Variants in ZDBF2 observed in about 807,000 individuals in gnomAD.
The protein encoded by ZDBF2 is zinc finger DBF-type containing 2, also known as DBF4-type zinc finger-containing protein 2.
Under a neutral mutation model 9.4 loss-of-function variants are expected in ZDBF2, and 6 were observed. The observed-to-expected ratio is 0.64, with a 90% CI of 0.35 to 1.27. The LOEUF (loss-of-function observed/expected upper bound fraction) is 1.27, where lower values mean the gene tolerates loss of function less well. ZDBF2 is among the 50% of genes most tolerant of loss of function. The pLI, the probability that ZDBF2 is intolerant of heterozygous loss-of-function variation, is 0.03. For missense variants in ZDBF2, 2,697 were observed against 2,766.8 expected (o/e 0.97, Z 0.57); for synonymous variants, 905 against 946.3 (o/e 0.96, Z 0.80).
At chr2:206,288,432 T>C (rs1010362329) in intron 3 of ZDBF2, among the ~76,000 whole-genome samples, 2 of 152,228 alleles carry the variant, frequency 1.3e-5, no homozygotes, top group African/African-American at 4.8e-5. Context: ...TGTCAAGGGC[T>C]TCTGGGATCC....
At chr2:206,293,476 G>T (rs1168208580) in intron 3 of ZDBF2, among the ~76,000 whole-genome samples, 2 of 152,162 alleles carry the variant, frequency 1.3e-5, no homozygotes, top group Non-Finnish European at 2.9e-5. Context: ...AATGGAAGAT[G>T]ATTAAGAAAG....
At position 206,309,220 on chromosome 2, in the gene ZDBF2, T is replaced by A. The variant is rs536985190; in HGVS notation, c.4692T>A (p.Asn1564Lys). 6.2e-7 allele frequency: 1 copy of A among 1,606,638 alleles called. No individual in the cohort carries two copies. Among genetic ancestry groups the A allele is most frequent in the African/African-American group, 1.3e-5 (1 of 74,944 alleles). Residue 1564 changes from asparagine (N) to lysine (K), a missense_variant, in exon 5 of 5, where the codon AAT (asparagine) becomes AAA (lysine). By Grantham distance (94) the Asn-to-Lys change is moderately conservative (BLOSUM62 0). Around this residue, in one of 3 missense-constraint regions of ZDBF2, gnomAD observed 1,783 missense variants for 1,776.5 expected, o/e 1.00. Coordinates refer to ENST00000374423, the MANE Select transcript of ZDBF2 (RefSeq NM_020923.3). ...QLTVKDISCINTECIDIEDKS... is the reference protein window; with the variant it reads ...QLTVKDISCIKTECIDIEDKS... The stretch of plus-strand genomic sequence containing the variant: ...CTGTCAAAGATATCAGCTGTATAAA[T>A]ACAGAATGTATTGATATAGAAGATA...
intron 3 of ZDBF2, among the ~76,000 whole-genome samples, chr2:206,295,508 C>CTACTAG (rs1692124986): frequency 6.6e-6 from 1 of 151,758 alleles, no homozygotes. Context: ...GGACTACAGG[C>CTACTAG]GCGCAGCACC....
chr2:206,309,675 C>G lies in ZDBF2; in HGVS notation c.5147C>G (p.Ser1716Cys). 1 of 1,613,870 alleles carries G rather than the reference C, an allele frequency of 6.2e-7. No homozygotes were observed. The highest frequency in any genetic ancestry group is 2.2e-5 in the East Asian group (1 of 44,880). Residue 1716 changes from serine (S) to cysteine (C), a missense_variant, in exon 5 of 5, where the codon TCC becomes TGC. Coordinates refer to ENST00000374423, the MANE Select transcript of ZDBF2 (RefSeq NM_020923.3). Reference protein sequence around the residue: ...SASAVDFGASSKSALHRRADK... With the variant: ...SASAVDFGASCKSALHRRADK... The stretch of plus-strand genomic sequence containing the variant: ...TCTGCAGTGGATTTTGGTGCCTCTT[C>G]CAAGTCAGCGCTCCATCGAAGGGCT...
intron 3 of ZDBF2, among the ~76,000 whole-genome samples, chr2:206,285,531 A>G (rs1348115863): frequency 6.6e-6 from 1 of 152,184 alleles, no homozygotes; most frequent in Non-Finnish European, 1.5e-5. Flanking sequence ...AGTATTCCAT[A>G]TTCCAGGTAT....
intron 3 of ZDBF2, among the ~76,000 whole-genome samples, chr2:206,290,836 C>T (rs1297429004): frequency 6.6e-6 from 1 of 152,030 alleles, no homozygotes; most frequent in African/African-American, 2.4e-5. Flanking sequence ...GCCATTATTT[C>T]TTTTTCTTGC....
rs750965734 is a variant in ZDBF2, at chr2:206,310,267, A to C, written c.5739A>C (p.Leu1913Phe). 3.1e-6 allele frequency: 5 copies of C among 1,614,004 alleles called. No individual in the cohort carries two copies. Among genetic ancestry groups the C allele is most frequent in the East Asian group, 2.2e-5 (1 of 44,882 alleles). Reference protein sequence around the residue: ...ISDIDDLSVALDKPCHRHPPA... With the variant: ...ISDIDDLSVAFDKPCHRHPPA... ...ATATTGATGACTTGTCAGTGGCCTT[A>C]GATAAACCATGCCATCGTCATCCTC... is the stretch of plus-strand genomic sequence containing the variant. The change falls in exon 5 of 5, where the codon TTA (leucine) becomes TTC (phenylalanine). Residue 1913 changes from leucine (L) to phenylalanine (F), a missense_variant. Leu to Phe is a conservative substitution (Grantham distance 22, BLOSUM62 0). Transcript: ENST00000374423.
At position 206,309,359 on chromosome 2, in the gene ZDBF2, A is replaced by G. The variant is rs1693014903; in HGVS notation, c.4831A>G (p.Ile1611Val). 1.2e-6 allele frequency: 2 copies of G among 1,613,320 alleles called. No individual in the cohort carries two copies. The highest frequency in any genetic ancestry group is 1.3e-5 in the African/African-American group (1 of 74,930). The change falls in exon 5 of 5, where the codon ATT becomes GTT. Residue 1611 changes from isoleucine to valine, a missense_variant. Ile to Val is a conservative substitution (Grantham distance 29). This residue lies in a region of ZDBF2 where 1,783 missense variants were observed against 1,776.5 expected (regional missense o/e 1.00). Transcript: ENST00000374423. ...FKIINRKKDY[I>V]ILGEPSCQSC... ...AATAATAAACCGGAAGAAGGACTAT[A>G]TTATTCTGGGAGAGCCAAGTTGTCA...
At chr2:206,283,236 T>A (rs182756214) in intron 3 of ZDBF2, among the ~76,000 whole-genome samples, 1 of 152,226 alleles carries the variant, frequency 6.6e-6, no homozygotes, top group Admixed American at 6.5e-5. Context: ...ACATGTAGAG[T>A]GGAATTGTTG....
chr2:206,310,495 A>G lies in ZDBF2; in HGVS notation c.5967A>G (p.Thr1989=). Residue 1989 remains threonine (T), a synonymous_variant, in exon 5 of 5, where the codon ACA becomes ACG. Transcript: ENST00000374423. ...CCAAAAAGAAAGTCAAAATTGGGAC[A>G]GTTGAATTTCCTGCATCATGTACTA... ...RKTKKKVKIG[T]VEFPASCTKV... 6.2e-7 allele frequency: 1 copy of G among 1,613,506 alleles called. No homozygotes were observed. Among genetic ancestry groups the G allele is most frequent in the East Asian group, 2.2e-5 (1 of 44,890 alleles).
At position 206,310,998 on chromosome 2, in the gene ZDBF2, A is replaced by G. The variant is rs752319630; in HGVS notation, c.6470A>G (p.Lys2157Arg). ...QLTFLNHDVV[K>R]ISPKSVRNKL... ...ACATTTTTAAATCATGATGTTGTCA[A>G]AATCTCTCCAAAATCAGTTAGAAAT... is the stretch of plus-strand genomic sequence containing the variant. The change falls in exon 5 of 5, where the codon AAA becomes AGA. Residue 2157 changes from lysine (K) to arginine (R), a missense_variant. By Grantham distance (26) the Lys-to-Arg change is conservative (BLOSUM62 2). Around this residue, in one of 3 missense-constraint regions of ZDBF2, gnomAD observed 1,783 missense variants for 1,776.5 expected, o/e 1.00. Transcript: ENST00000374423. The G allele has an allele frequency of 4.3e-6, 7 of 1,612,188 alleles. No individual in the cohort carries two copies. The African/African-American group carries it at 5.3e-5, about 12-fold the overall frequency.
chr2:206,277,172 T>G (rs1691054831), intron 1 of ZDBF2, among the ~76,000 whole-genome samples: 1 of 152,116 alleles, frequency 6.6e-6, no homozygotes, highest in African/African-American at 2.4e-5. Context: ...GTGGGTTTTG[T>G]TAGTTCTTAC....
chr2:206,310,526 T>C lies in ZDBF2; in HGVS notation c.5998T>C (p.Leu2000=). ...ATTTCCTGCATCATGTACTAAAGTT[T>C]TGAAGCCTATGCAACCCAAAGCCTT... is the stretch of plus-strand genomic sequence containing the variant. ...VEFPASCTKV[L]KPMQPKALVC... Residue 2000 remains leucine (L), a synonymous_variant, in exon 5 of 5, where the codon TTG becomes CTG. Transcript: ENST00000374423. The C allele has an allele frequency of 6.2e-7, 1 of 1,613,546 alleles. No individual in the cohort carries two copies.
chr2:206,301,558 A>G (rs1156430260), intron 4 of ZDBF2, among the ~76,000 whole-genome samples: 3 of 152,068 alleles, frequency 2.0e-5, no homozygotes, highest in Non-Finnish European at 4.4e-5. Flanking sequence ...GTGTGTGTGT[A>G]TATCTCATTT....
rs1409951202 is a variant in ZDBF2, at chr2:206,274,786, C to T, written c.-263C>T. 1 of 152,204 alleles carries T rather than the reference C, an allele frequency of 6.6e-6. No homozygotes were observed. Among genetic ancestry groups the T allele is most frequent in the African/African-American group, 2.4e-5 (1 of 41,458 alleles). The allele number at this position is 152,204 out of a possible 1,614,324, so 9.4% of individuals were successfully genotyped here. A position where few individuals can be genotyped will look rare whatever the true frequency, so the allele number is the denominator to read the frequency against. ...GCTTCTCGCCTCCGGACCGCAGGGG[C>T]CGAAGTCGCCTATTTCTGGCTCCGC... On this transcript the variant is annotated 5_prime_UTR_variant, in exon 1 of 5. Coordinates refer to ENST00000374423, the MANE Select transcript of ZDBF2 (RefSeq NM_020923.3).
At chr2:206,293,952 T>C (rs975956781) in intron 3 of ZDBF2, among the ~76,000 whole-genome samples, 2 of 152,138 alleles carry the variant, frequency 1.3e-5, no homozygotes, top group Admixed American at 6.5e-5. Flanking sequence ...AGAAGGTTCT[T>C]CATAGTATTA....
intron 3 of ZDBF2, among the ~76,000 whole-genome samples, chr2:206,286,637 C>G (rs1182977663): frequency 6.6e-6 from 1 of 151,900 alleles, no homozygotes; most frequent in Non-Finnish European, 1.5e-5. Flanking sequence ...CTCAAGATAT[C>G]CTTCTGCCTC....
chr2:206,288,743 A>G (rs1429273400), intron 3 of ZDBF2, among the ~76,000 whole-genome samples: 1 of 152,104 alleles, frequency 6.6e-6, no homozygotes, highest in Non-Finnish European at 1.5e-5. Context: ...GTCGTAGCTG[A>G]GATTCTACCC....
intron 4 of ZDBF2, 40 bp from the exon 5 acceptor site, chr2:206,304,677 C>T: frequency 6.5e-7 from 1 of 1,547,018 alleles, no homozygotes; most frequent in Non-Finnish European, 8.7e-7. Flanking sequence ...TTTAAACAGA[C>T]ATTAGAATAT....
Sources: allele counts gnomAD v4.1 joint callset (sites outside exome capture counted in the v4.1 genomes callset), GRCh38; gene constraint gnomAD v4.1.1; regional missense constraint gnomAD v4.1.1; transcripts MANE v1.5; gene names NCBI Gene and HGNC (gene_info 2026-07-23, HGNC 2026-07-21).